The following WDR33 variants were observed in gnomAD, a reference collection of about 807,000 sequenced individuals.
WDR33 encodes WD repeat domain 33.
WDR33 carries 47 observed loss-of-function variants against 164.9 expected under a neutral mutation model. The ratio of observed to expected loss-of-function variants is 0.29; its 90% CI spans 0.23 to 0.36. The LOEUF (loss-of-function observed/expected upper bound fraction) is 0.36. Ranked by LOEUF, WDR33 falls within the 10% of genes least tolerant of loss-of-function variation. The probability of loss-of-function intolerance (pLI) is 1.00; values close to 1 mark genes in which losing one functional copy is unlikely to be tolerated. For synonymous variants in WDR33, 505 were observed against 589.0 expected (o/e 0.86, Z 2.06); for missense variants, 1,137 against 1,754.1 (o/e 0.65, Z 6.28).
chr2:127,754,938 C>G (rs1354656608), intron 7 of WDR33, among the ~76,000 whole-genome samples: 1 of 152,130 alleles, frequency 6.6e-6, no homozygotes, highest in East Asian at 1.9e-4. Flanking sequence ...TTCATGATTT[C>G]CAGACCATTC....
In WDR33 at chr2:127,713,389, A is replaced by G. The variant is rs558392620; in HGVS notation, c.3308+194T>C. Among the ~76,000 whole-genome samples the G allele has an allele frequency of 6.6e-6, 1 of 152,386 alleles. No homozygotes were observed. The highest frequency in any genetic ancestry group is 2.4e-5 in the African/African-American group (1 of 41,598). On this transcript the variant is annotated intron_variant, in intron 18 of 21. Transcript: ENST00000322313. The surrounding 1 kb of genome is among the most constrained non-coding windows in gnomAD (Gnocchi z 6.2). ...AACAAAACGAAAAAGATTTCTAGAC[A>G]GCAAAGATTAAAACAAGACTAAGGT...
intron 18 of WDR33, among the ~76,000 whole-genome samples, chr2:127,711,780 A>ATTTTTTTTTTTTTTTTTTTTTTTT (rs1158780905): frequency 2.3e-5 from 2 of 88,306 alleles, no homozygotes; most frequent in African/African-American, 1.3e-4. Context: ...ATATATATAT[A>ATTTTTTTTTTTTTTTTTTTTTTTT]TTTTTTTTTT....
intron 1 of WDR33, among the ~76,000 whole-genome samples, chr2:127,794,480 G>C (rs1688955675): frequency 6.6e-6 from 1 of 151,640 alleles, no homozygotes; most frequent in African/African-American, 2.4e-5. Context: ...CAGCCTGGGG[G>C]ACAAGAGCGA....
intron 1 of WDR33, among the ~76,000 whole-genome samples, chr2:127,800,380 C>A (rs7565876): frequency 0.47 from 71,368 of 151,996 alleles, 17,872 homozygotes; most frequent in African/African-American, 0.64. Flanking sequence ...CATGCCTGTA[C>A]TCCCAGCACT....
rs1410500047 is a variant in WDR33, at chr2:127,737,277, G to A, written c.725-10500C>T. The A allele has an allele frequency of 5.1e-6, 5 of 985,270 alleles. No homozygotes were observed. The East Asian group carries it at 4.5e-4, about 89-fold the overall frequency. 61.0% of individuals were successfully genotyped at this position (985,270 alleles called of 1,614,324 possible). ...TAGAGAACATCAGCCATTTGTCTGA[G>A]ACGGGAGATACCAGTGTCCCACACA... On this transcript the variant is annotated intron_variant, in intron 7 of 21. Coordinates refer to ENST00000322313, the MANE Select transcript of WDR33 (RefSeq NM_018383.5).
chr2:127,789,633 T>C (rs921855210), intron 1 of WDR33, among the ~76,000 whole-genome samples: 116 of 151,566 alleles, frequency 7.7e-4, no homozygotes, highest in African/African-American at 2.6e-3. Context: ...TGAGCCGAGA[T>C]GGCAGCAGTA....
In WDR33 at chr2:127,723,212, A is replaced by G; in HGVS notation, c.1291+41T>C. 1 of 1,566,972 alleles carries G rather than the reference A, an allele frequency of 6.4e-7. No homozygotes were observed. ...CAACATCTAACACTTCTGTAATAGA[A>G]TACCAGATTTCAAAGAAGGACAGAT... On this transcript the variant is annotated intron_variant, in intron 12 of 21. Transcript: ENST00000322313. This position sits in a 1 kb window ranked among gnomAD's most constrained non-coding sequence, Gnocchi z 5.9.
intron 7 of WDR33, among the ~76,000 whole-genome samples, chr2:127,760,095 G>T (rs1382325699): frequency 6.6e-6 from 1 of 152,158 alleles, no homozygotes; most frequent in African/African-American, 2.4e-5. Context: ...TATAAAGAAA[G>T]AATTTCCTGA....
At position 127,701,380 on chromosome 2, in the gene WDR33, G is replaced by A. The variant is rs117892476; in HGVS notation, c.*4943C>T. ...GTACTTGGGGACACCACAAAAGTCC[G>A]CAGAGCAGGCACCGCGGCACTTCCG... On this transcript the variant is annotated 3_prime_UTR_variant, in exon 22 of 22. Transcript: ENST00000322313. The A allele has an allele frequency of 3.3e-3, 2,462 of 750,498 alleles. 58 individuals are homozygous for A. In the East Asian group the frequency reaches 0.053, roughly 16 times the overall value. The allele number at this position is 750,498 out of a possible 1,614,324, so 46.5% of individuals were successfully genotyped here.
chr2:127,755,206 C>A (rs1687485203), intron 7 of WDR33, among the ~76,000 whole-genome samples: 1 of 152,202 alleles, frequency 6.6e-6, no homozygotes, highest in African/African-American at 2.4e-5. Flanking sequence ...ATCAAAATAT[C>A]TTCTCAAATC....
chr2:127,756,997 A>C (rs1687539577), intron 7 of WDR33, among the ~76,000 whole-genome samples: 1 of 151,772 alleles, frequency 6.6e-6, no homozygotes, highest in Non-Finnish European at 1.5e-5. Context: ...GAATTGCTTG[A>C]ACCTGCAAGG....
rs1558944826 is a variant in WDR33, at chr2:127,766,789, A to ATTTT, written c.378+1399_378+1400insAAAA. Among the ~76,000 whole-genome samples, 6 of 151,142 alleles carry ATTTT rather than the reference A, an allele frequency of 4.0e-5. No homozygotes were observed. In the East Asian group the frequency reaches 1.2e-3, roughly 29 times the overall value. On this transcript the variant is annotated intron_variant, in intron 4 of 21. Coordinates refer to ENST00000322313, the MANE Select transcript of WDR33 (RefSeq NM_018383.5). ...AACAATGTTTCTTTTTTTTTTTTGA[A>ATTTT]ACAGAGTTTCGATCTTGTCGCCCAG...
chr2:127,780,636 G>A (rs373028278), intron 1 of WDR33, among the ~76,000 whole-genome samples: 2 of 152,080 alleles, frequency 1.3e-5, no homozygotes, highest in East Asian at 1.9e-4. Flanking sequence ...GGCCAAGGTG[G>A]GAGGATCACT....
At chr2:127,753,914 C>G (rs982008959) in intron 7 of WDR33, among the ~76,000 whole-genome samples, 1 of 152,060 alleles carries the variant, frequency 6.6e-6, no homozygotes, top group Admixed American at 6.6e-5. Context: ...CAAAGCCTAA[C>G]CTACCTAGTA....
intron 7 of WDR33, among the ~76,000 whole-genome samples, chr2:127,730,546 G>A (rs528673004): frequency 7.9e-4 from 120 of 151,934 alleles, no homozygotes; most frequent in African/African-American, 2.7e-3. Flanking sequence ...TTTTAGAAGT[G>A]GAATTATTAA....
intron 1 of WDR33, among the ~76,000 whole-genome samples, chr2:127,795,067 G>A (rs539987552): frequency 6.7e-6 from 1 of 149,662 alleles, no homozygotes; most frequent in African/African-American, 2.5e-5. Context: ...CATGGAATCT[G>A]TACAAGGGAA....
At chr2:127,788,146 G>A (rs1394228184) in intron 1 of WDR33, among the ~76,000 whole-genome samples, 1 of 102,262 alleles carries the variant, frequency 9.8e-6, no homozygotes, top group Non-Finnish European at 2.0e-5. Flanking sequence ...AGGGGCGGCC[G>A]GGCAGAGGCG....
Position 127,704,284 on chromosome 2 carries a change from T to G in WDR33, c.*2039A>C, listed in dbSNP as rs908111196. ...TTTAAATGAATTCACTCTCAAAATG[T>G]GATCTGTCAAGTCCAGTAGAGCTTC... is the stretch of plus-strand genomic sequence containing the variant. On this transcript the variant is annotated 3_prime_UTR_variant, in exon 22 of 22. Transcript: ENST00000322313. 1 of 166,948 alleles carries G rather than the reference T, an allele frequency of 6.0e-6. No individual in the cohort carries two copies. The highest frequency in any genetic ancestry group is 2.4e-5 in the African/African-American group (1 of 41,394). The allele number at this position is 166,948 out of a possible 1,614,324, so 10.3% of individuals were successfully genotyped here.
At chr2:127,776,211 A>G (rs957168827) in intron 1 of WDR33, among the ~76,000 whole-genome samples, 2 of 152,204 alleles carry the variant, frequency 1.3e-5, no homozygotes, top group Non-Finnish European at 2.9e-5. Context: ...CCATGTGAGG[A>G]CAGAGAGAGA....
Sources: allele counts gnomAD v4.1 joint callset (sites outside exome capture counted in the v4.1 genomes callset), GRCh38; gene constraint gnomAD v4.1.1; non-coding constraint Gnocchi (gnomAD v3.1); transcripts MANE v1.5; gene names NCBI Gene and HGNC (gene_info 2026-07-23, HGNC 2026-07-21).